DCLRE1A: variants seen among roughly 807,000 people sequenced by gnomAD.
DCLRE1A encodes DNA cross-link repair 1A.
Under a neutral mutation model 91.9 loss-of-function variants are expected in DCLRE1A, and 64 were observed. The ratio of observed to expected loss-of-function variants is 0.70; its 90% CI spans 0.57 to 0.86. The LOEUF is 0.86. Ranked by LOEUF, DCLRE1A falls within the 40% of genes least tolerant of loss-of-function variation. DCLRE1A has a pLI of 0.00. For missense variants in DCLRE1A, 1,145 were observed against 1,213.3 expected (o/e 0.94, Z 0.84); for synonymous variants, 416 against 431.1 (o/e 0.96, Z 0.43).
rs1299101828 is a variant in DCLRE1A at position 113,837,138 on chromosome 10, T to C, written c.2886A>G (p.Thr962=). The change falls in exon 8 of 9, where the codon ACA becomes ACG. Residue 962 remains threonine (T), a synonymous_variant. Transcript: ENST00000361384. ...KYNQILAFRP[T]GWTHSNKFTR... ...TGAACTTGTTAGAGTGTGTCCATCC[T>C]GTAGGTCGAAATGCCAAAATCTGAT... is the stretch of plus-strand genomic sequence containing the variant. 10 of 1,613,422 alleles carry C rather than the reference T, an allele frequency of 6.2e-6. No individual in the cohort carries two copies. Among genetic ancestry groups the C allele is most frequent in the Non-Finnish European group, 8.5e-6 (10 of 1,179,752 alleles).
Position 113,841,529 on chromosome 10 carries a change from G to A in DCLRE1A, c.2697C>T (p.Gly899=), listed in dbSNP as rs773349892. Reference sequence around the variant, plus strand: ...GAGTTTTATATTTTTCCTGGGACATGCCCACTTTTGAACCTAAAACATCAG... The same window carrying A: ...GAGTTTTATATTTTTCCTGGGACATACCCACTTTTGAACCTAAAACATCAG... ...AIADVLGSKV[G]MSQEKYKTLQ... is the part of the protein sequence containing the mutation. Residue 899 remains glycine (G), a synonymous_variant, in exon 7 of 9, where the codon GGC becomes GGT. Transcript: ENST00000361384. 1.1e-5 allele frequency: 17 copies of A among 1,611,148 alleles called. No individual in the cohort carries two copies. The highest frequency in any genetic ancestry group is 1.4e-5 in the Non-Finnish European group (17 of 1,178,914).
At position 113,850,129 on chromosome 10, in the gene DCLRE1A, TA is replaced by T. The variant is rs766889798; in HGVS notation, c.975del (p.Phe325LeufsTer28). On this transcript the variant is annotated frameshift_variant, in exon 2 of 9. Transcript: ENST00000361384. LOFTEE classifies it high-confidence loss of function. ...KPDDSQEQLF[F>X]TESSKDGSLE... Reference sequence around the variant, plus strand: ...AGGCTGCCATCTTTTGAGCTTTCGGTAAAAAACAGTTGTTCTTGTGAATCAT... The same window carrying T: ...AGGCTGCCATCTTTTGAGCTTTCGGTAAAAACAGTTGTTCTTGTGAATCAT... 1.2e-6 allele frequency: 2 copies of T among 1,614,106 alleles called. No homozygotes were observed. The highest frequency in any genetic ancestry group is 1.7e-6 in the Non-Finnish European group (2 of 1,180,010).
chr10:113,843,959 G>A lies in DCLRE1A; in HGVS notation c.2519+145C>T, dbSNP rs972757466. ...CAATCTCAAATTTGCCCTTAAGCAA[G>A]TATATACATATTTTTCAAACAGCAT... On this transcript the variant is annotated intron_variant, in intron 5 of 8. Coordinates refer to ENST00000361384, the MANE Select transcript of DCLRE1A (RefSeq NM_014881.5). 8 of 1,122,498 alleles carry A rather than the reference G, an allele frequency of 7.1e-6. No individual in the cohort carries two copies. In the East Asian group the frequency reaches 1.8e-4, roughly 26 times the overall value. 69.5% of individuals were successfully genotyped at this position (1,122,498 alleles called of 1,614,324 possible).
rs745371089 is a variant in DCLRE1A at position 113,853,050 on chromosome 10, A to G, written c.133T>C (p.Ser45Pro). 4 of 1,613,494 alleles carry G rather than the reference A, an allele frequency of 2.5e-6. No individual in the cohort carries two copies. The highest frequency in any genetic ancestry group is 3.4e-6 in the Non-Finnish European group (4 of 1,179,968). ...CTTTTTCTGTTTCTACTCCGTTTTG[A>G]CTGGTATTTTCCATCTGTTGCTTTT... ...VEKATDGKYQ[S>P]KRSRNRKRAA... The change falls in exon 1 of 9, where the codon TCA becomes CCA. Residue 45 changes from serine (S) to proline (P), a missense_variant. By Grantham distance (74) the Ser-to-Pro change is moderately conservative. Coordinates refer to ENST00000361384, the MANE Select transcript of DCLRE1A (RefSeq NM_014881.5).
Position 113,834,841 on chromosome 10 carries a change from A to G in DCLRE1A, c.*311T>C. Reference sequence around the variant, plus strand: ...GCTTCAAACTACTTTATTAATTATCATTAATCCTTTTGGTCCCTGAATCTG... The same window carrying G: ...GCTTCAAACTACTTTATTAATTATCGTTAATCCTTTTGGTCCCTGAATCTG... On this transcript the variant is annotated 3_prime_UTR_variant, in exon 9 of 9. Transcript: ENST00000361384. 5.0e-6 allele frequency: 1 copy of G among 200,530 alleles called. No individual in the cohort carries two copies. The highest frequency in any genetic ancestry group is 1.0e-5 in the Non-Finnish European group (1 of 100,322). 12.4% of individuals were successfully genotyped at this position (200,530 alleles called of 1,614,324 possible).
At chr10:113,839,324 CAAAAAAAAAAAAAA>C (rs35405311) in intron 7 of DCLRE1A, among the ~76,000 whole-genome samples, 3 of 61,240 alleles carry the variant, frequency 4.9e-5, no homozygotes, top group Non-Finnish European at 8.2e-5. Flanking sequence ...GACCCTGTCT[CAAAAAAAAAAAAAA>C]AAAAAAAAAA....
chr10:113,841,328 C>T (rs537313772), intron 7 of DCLRE1A, 78 bp downstream of exon 7: 1 of 1,516,386 alleles, frequency 6.6e-7, no homozygotes, highest in Admixed American at 2.1e-5. Context: ...AATTGAATTC[C>T]TCTAAGTTAA....
intron 1 of DCLRE1A, 141 bp from the exon 2 acceptor site, chr10:113,850,785 A>G: frequency 1.6e-6 from 1 of 619,982 alleles, no homozygotes; most frequent in Non-Finnish European, 2.6e-6. Flanking sequence ...AAGATTAGTT[A>G]TAATTGTTGA....
In DCLRE1A at chr10:113,837,045, A is replaced by C. The variant is rs375114299; in HGVS notation, c.2962+17T>G. On this transcript the variant is annotated intron_variant, in intron 8 of 8. Transcript: ENST00000361384. ...AACATTATAAACACTAAAAGTGAGA[A>C]AATTTAATAACTATACCATATATTG... The C allele has an allele frequency of 1.9e-6, 3 of 1,565,714 alleles. No individual in the cohort carries two copies. In the African/African-American group the frequency reaches 4.1e-5, roughly 22 times the overall value.
chr10:113,842,588 C>T lies in DCLRE1A; in HGVS notation c.2520-100G>A, dbSNP rs1845463598. 21 of 1,126,526 alleles carry T rather than the reference C, an allele frequency of 1.9e-5. 1 individual carries two copies. The South Asian group carries it at 3.7e-4, about 20-fold the overall frequency. The allele number at this position is 1,126,526 out of a possible 1,614,324, so 69.8% of individuals were successfully genotyped here. A position where few individuals can be genotyped will look rare whatever the true frequency, so the allele number is the denominator to read the frequency against. On this transcript the variant is annotated intron_variant, in intron 5 of 8. Transcript: ENST00000361384. ...AAAACAAGCGTTAGCAACTTACATACAACAGCAATGTAATATATTAATACC... is the reference window on the plus strand; with the variant it reads ...AAAACAAGCGTTAGCAACTTACATATAACAGCAATGTAATATATTAATACC...
chr10:113,850,484 A>G lies in DCLRE1A; in HGVS notation c.621T>C (p.Cys207=), dbSNP rs138695670. ...SFSETKSGVL[C]SLEERWSSYQ... is the part of the protein sequence containing the mutation. ...ACGAAGACCATCTTTCCTCAAGGCT[A>G]CAAAGGACGCCTGACTTAGTCTCAC... The change falls in exon 2 of 9, where the codon TGT becomes TGC. Residue 207 remains cysteine (C), a synonymous_variant. Coordinates refer to ENST00000361384, the MANE Select transcript of DCLRE1A (RefSeq NM_014881.5). 9 of 1,614,172 alleles carry G rather than the reference A, an allele frequency of 5.6e-6. No individual in the cohort carries two copies. The highest frequency in any genetic ancestry group is 7.6e-6 in the Non-Finnish European group (9 of 1,180,018).
chr10:113,842,236 A>G, intron 6 of DCLRE1A, 107 bp downstream of exon 6: 1 of 967,478 alleles, frequency 1.0e-6, no homozygotes, highest in Non-Finnish European at 1.4e-6. Context: ...TTGAATCATT[A>G]CAGGAAATAA....
rs1845360296 is a variant in DCLRE1A, at chr10:113,836,202, G to T, written c.2962+860C>A. On this transcript the variant is annotated intron_variant, in intron 8 of 8. Coordinates refer to ENST00000361384, the MANE Select transcript of DCLRE1A (RefSeq NM_014881.5). ...CAGTTTTAGATAGTTCTTTAAAGCA[G>T]TGGGAGAATGGACTAATACAGATAT... is the stretch of plus-strand genomic sequence containing the variant. Among the ~76,000 whole-genome samples the T allele has an allele frequency of 2.0e-5, 3 of 152,292 alleles. No individual in the cohort carries two copies. The South Asian group carries it at 6.2e-4, about 32-fold the overall frequency.
At position 113,835,305 on chromosome 10, in the gene DCLRE1A, A is replaced by G. The variant is rs142483512; in HGVS notation, c.2970T>C (p.Pro990=). ...TKGNISIYGI[P]YSEHSSYLEM... is the part of the protein sequence containing the mutation. ...CTAGGTAGCTGCTGTGTTCACTGTA[A>G]GGAATTCCTGTAACAAAAAATAAAC... Residue 990 remains proline (P), a synonymous_variant, in exon 9 of 9, where the codon CCT becomes CCC. Coordinates refer to ENST00000361384, the MANE Select transcript of DCLRE1A (RefSeq NM_014881.5). The G allele has an allele frequency of 7.5e-5, 119 of 1,590,054 alleles. No homozygotes were observed. The highest frequency in any genetic ancestry group is 1.7e-4 in the South Asian group (15 of 86,110).
rs148822982 is a variant in DCLRE1A, at chr10:113,844,184, C to G, written c.2439G>C (p.Thr813=). The G allele has an allele frequency of 6.2e-7, 1 of 1,614,010 alleles. No homozygotes were observed. The highest frequency in any genetic ancestry group is 1.3e-5 in the African/African-American group (1 of 74,908). Residue 813 remains threonine, a synonymous_variant, in exon 5 of 9, where the codon ACG becomes ACC. Coordinates refer to ENST00000361384, the MANE Select transcript of DCLRE1A (RefSeq NM_014881.5). ...YLPNGTVILH[T]GDFRADPSME... ...TGCTGGGATCTGCTCTGAAGTCTCC[C>G]GTGTGTAATATGACAGTACCATTAG...
chr10:113,835,110 C>T lies in DCLRE1A; in HGVS notation c.*42G>A. On this transcript the variant is annotated 3_prime_UTR_variant, in exon 9 of 9. Coordinates refer to ENST00000361384, the MANE Select transcript of DCLRE1A (RefSeq NM_014881.5). ...TATAGATTTAACTACTAACAAGCTA[C>T]ATCCAAGGAACTTAACTACTACTGA... 1.9e-6 allele frequency: 3 copies of T among 1,573,664 alleles called. No individual in the cohort carries two copies. The highest frequency in any genetic ancestry group is 2.3e-5 in the East Asian group (1 of 44,248).
chr10:113,840,296 A>G (rs1038423409), intron 7 of DCLRE1A, among the ~76,000 whole-genome samples: 24 of 6,574 alleles, frequency 3.7e-3, no homozygotes, highest in Admixed American at 7.7e-3. Context: ...TCTGTCTCCA[A>G]AAAAAAAAAA....
At chr10:113,851,382 C>T (rs1319577489) in intron 1 of DCLRE1A, among the ~76,000 whole-genome samples, 1 of 151,746 alleles carries the variant, frequency 6.6e-6, no homozygotes, top group Non-Finnish European at 1.5e-5. Flanking sequence ...AAAATGTATT[C>T]TGAATCATAG....
At chr10:113,835,912 C>T (rs17235311) in intron 8 of DCLRE1A, among the ~76,000 whole-genome samples, 290 of 152,084 alleles carry the variant, frequency 1.9e-3, no homozygotes, top group African/African-American at 6.5e-3. Context: ...TCCAGCCTGG[C>T]GACACAGCAA....
Sources: allele counts gnomAD v4.1 joint callset (sites outside exome capture counted in the v4.1 genomes callset), GRCh38; gene constraint gnomAD v4.1.1; transcripts MANE v1.5; gene names NCBI Gene and HGNC (gene_info 2026-07-23, HGNC 2026-07-21).